PPP2R2C: variants seen among roughly 807,000 people sequenced by gnomAD.
PPP2R2C encodes the protein protein phosphatase 2 regulatory subunit Bgamma.
A neutral mutation model predicts 45.3 loss-of-function variants in PPP2R2C; 10 were observed. The observed-to-expected ratio is 0.22, with a 90% CI of 0.14 to 0.37. PPP2R2C has a LOEUF of 0.37. PPP2R2C is among the 10% of genes least tolerant of loss of function. The probability of loss-of-function intolerance (pLI) is 1.00; values close to 1 mark genes in which losing one functional copy is unlikely to be tolerated. For synonymous variants in PPP2R2C, 257 were observed against 245.4 expected (o/e 1.05, Z -0.44); for missense variants, 308 against 619.7 (o/e 0.50, Z 5.34).
intron 2 of PPP2R2C, among the ~76,000 whole-genome samples, chr4:6,484,095 C>A (rs1371652589): frequency 6.6e-6 from 1 of 151,968 alleles, no homozygotes; most frequent in Non-Finnish European, 1.5e-5. Context: ...AAATTCTTCA[C>A]CTCCTCTTCT....
At chr4:6,341,888 G>A (rs754344534) in intron 6 of PPP2R2C, among the ~76,000 whole-genome samples, 94 of 152,148 alleles carry the variant, frequency 6.2e-4, no homozygotes, top group Non-Finnish European at 9.4e-4. Flanking sequence ...ATTTTAGCCC[G>A]AGTTCCAGAA....
At chr4:6,338,788 T>C (rs1393650015) in intron 6 of PPP2R2C, among the ~76,000 whole-genome samples, 2 of 152,138 alleles carry the variant, frequency 1.3e-5, no homozygotes, top group Non-Finnish European at 2.9e-5. Context: ...TGTTGAGCCC[T>C]AGGCATCTCC....
intron 1 of PPP2R2C, among the ~76,000 whole-genome samples, chr4:6,386,944 G>T (rs936169969): frequency 2.0e-5 from 3 of 151,816 alleles, no homozygotes; most frequent in African/African-American, 7.3e-5. Flanking sequence ...CCATGTCTGA[G>T]ACAGAAAAAA....
At chr4:6,379,675 A>C (rs2109310663) in intron 2 of PPP2R2C, among the ~76,000 whole-genome samples, 1 of 152,334 alleles carries the variant, frequency 6.6e-6, no homozygotes. Flanking sequence ...CATCTGGTGA[A>C]GCCCACAGGT....
In PPP2R2C at chr4:6,328,142, C is replaced by T. The variant is rs1393925005; in HGVS notation, c.1052+1120G>A. Among the ~76,000 whole-genome samples the T allele has an allele frequency of 1.3e-5, 2 of 152,178 alleles. No homozygotes were observed. The highest frequency in any genetic ancestry group is 4.8e-5 in the African/African-American group (2 of 41,450). On this transcript the variant is annotated intron_variant, in intron 8 of 8. Coordinates refer to ENST00000382599, the MANE Select transcript of PPP2R2C (RefSeq NM_020416.4). The surrounding 1 kb of genome is among the most constrained non-coding windows in gnomAD (Gnocchi z 4.4). ...TGACTGATGCCATCCACAGGGTGGA[C>T]AGCCCCCCACCAGGTGATGCCCAAG...
In PPP2R2C at chr4:6,328,578, G is replaced by T. The variant is rs905086349; in HGVS notation, c.1052+684C>A. ...AAGAGACACAGAGGTAAGGACCCAC[G>T]GGTAGAGGTCAGGTCAGGAGCCCCT... is the stretch of plus-strand genomic sequence containing the variant. On this transcript the variant is annotated intron_variant, in intron 8 of 8. Coordinates refer to ENST00000382599, the MANE Select transcript of PPP2R2C (RefSeq NM_020416.4). This position sits in a 1 kb window ranked among gnomAD's most constrained non-coding sequence, Gnocchi z 4.4. Among the ~76,000 whole-genome samples the T allele has an allele frequency of 6.6e-6, 1 of 152,214 alleles. No homozygotes were observed. Among genetic ancestry groups the T allele is most frequent in the Non-Finnish European group, 1.5e-5 (1 of 68,030 alleles).
rs777311882 is a variant in PPP2R2C at position 6,500,662 on chromosome 4, GA to G, written c.49+34608del. Among the ~76,000 whole-genome samples, 55 of 152,338 alleles carry G rather than the reference GA, an allele frequency of 3.6e-4. No homozygotes were observed. The Middle Eastern group carries it at 0.017, about 47-fold the overall frequency. On this transcript the variant is annotated intron_variant, in intron 2 of 9. Transcript: ENST00000506140. ...TGGTTGTGTGTGACCAGGAAGGAAA[GA>G]GGGGGGTTCATTTGAGCCAAGTCCT...
At chr4:6,523,391 C>T (rs995131718) in intron 2 of PPP2R2C, 5 of 152,216 alleles carry the variant, frequency 3.3e-5, no homozygotes, top group African/African-American at 1.2e-4. Flanking sequence ...ATGATAACAA[C>T]AAAAAGACAA....
At position 6,471,200 on chromosome 4, in the gene PPP2R2C, GGCC is replaced by G. The variant is rs1025693559; in HGVS notation, c.70+957_70+959del. Among the ~76,000 whole-genome samples, 6 of 152,122 alleles carry G rather than the reference GGCC, an allele frequency of 3.9e-5. No homozygotes were observed. Among genetic ancestry groups the G allele is most frequent in the Non-Finnish European group, 2.9e-5 (2 of 67,996 alleles). On this transcript the variant is annotated intron_variant, in intron 1 of 8. Coordinates refer to ENST00000382599, the MANE Select transcript of PPP2R2C (RefSeq NM_020416.4). The surrounding 1 kb of genome is among the most constrained non-coding windows in gnomAD (Gnocchi z 5.6). ...GAATCCGCGCACACTTCTGCGGCCG[GGCC>G]GCCAGCCCGTGGGTTAGCGGCTGAC... is the stretch of plus-strand genomic sequence containing the variant.
chr4:6,460,160 C>T (rs1721252455), intron 1 of PPP2R2C, among the ~76,000 whole-genome samples: 1 of 152,184 alleles, frequency 6.6e-6, no homozygotes, highest in Admixed American at 6.5e-5. Context: ...GCCCCCTCCC[C>T]AAGATTCCTT....
At chr4:6,333,103 G>A (rs1001957851) in intron 7 of PPP2R2C, among the ~76,000 whole-genome samples, 20 of 152,232 alleles carry the variant, frequency 1.3e-4, no homozygotes, top group African/African-American at 4.8e-4. Context: ...GGCCTGTGCT[G>A]AGGATCTGGA....
At chr4:6,461,273 T>C (rs1721306724) in intron 1 of PPP2R2C, among the ~76,000 whole-genome samples, 3 of 151,980 alleles carry the variant, frequency 2.0e-5, no homozygotes, top group Admixed American at 2.0e-4. Flanking sequence ...CAGCACAGGA[T>C]TCTTAGTAGG....
At chr4:6,470,800 C>T (rs948409672) in intron 1 of PPP2R2C, among the ~76,000 whole-genome samples, 1 of 152,192 alleles carries the variant, frequency 6.6e-6, no homozygotes, top group Non-Finnish European at 1.5e-5. Context: ...GGCCCGGAGG[C>T]CCGGGCAGCC....
At chr4:6,486,399 T>C (rs1189748341) in intron 2 of PPP2R2C, among the ~76,000 whole-genome samples, 2 of 152,066 alleles carry the variant, frequency 1.3e-5, no homozygotes, top group African/African-American at 2.4e-5. Context: ...AGTTTGTTGA[T>C]AGTGTTGTTC....
intron 1 of PPP2R2C, among the ~76,000 whole-genome samples, chr4:6,391,190 G>A (rs1366150375): frequency 1.3e-5 from 2 of 152,086 alleles, no homozygotes; most frequent in Admixed American, 6.5e-5. Flanking sequence ...GGGCTCTGCC[G>A]CCCTGGCCTC....
chr4:6,431,270 A>AT lies in PPP2R2C; in HGVS notation c.70+40889_70+40890insA, dbSNP rs776856337. 6.6e-5 allele frequency among the ~76,000 whole-genome samples: 10 copies of AT among 152,270 alleles called. No homozygotes were observed. In the South Asian group the frequency reaches 8.3e-4, roughly 13 times the overall value. ...TGGTATAAATACCCCTGCCCTGGCC[A>AT]ATTTCAAACTACCAACAAGATGTCT... On this transcript the variant is annotated intron_variant, in intron 1 of 8. Coordinates refer to ENST00000382599, the MANE Select transcript of PPP2R2C (RefSeq NM_020416.4).
chr4:6,431,593 C>A (rs1719627460), intron 1 of PPP2R2C, among the ~76,000 whole-genome samples: 1 of 152,208 alleles, frequency 6.6e-6, no homozygotes, highest in African/African-American at 2.4e-5. Context: ...CCAGAGCCCC[C>A]CCTTCCCTGG....
intron 1 of PPP2R2C, among the ~76,000 whole-genome samples, chr4:6,412,143 G>T (rs1157044396): frequency 1.3e-5 from 2 of 152,182 alleles, no homozygotes; most frequent in Non-Finnish European, 2.9e-5. Flanking sequence ...TTGTTTAAAA[G>T]ATATTTTGGA....
chr4:6,481,204 C>T (rs1722337362), intron 2 of PPP2R2C, among the ~76,000 whole-genome samples: 1 of 152,196 alleles, frequency 6.6e-6, no homozygotes, highest in African/African-American at 2.4e-5. Context: ...ATTTATCTTT[C>T]AGGCATTTTG....
Sources: allele counts gnomAD v4.1 joint callset (sites outside exome capture counted in the v4.1 genomes callset), GRCh38; gene constraint gnomAD v4.1.1; non-coding constraint Gnocchi (gnomAD v3.1); transcripts MANE v1.5; gene names NCBI Gene and HGNC (gene_info 2026-07-23, HGNC 2026-07-21).